The following RCAN1 variants were observed in gnomAD, a reference collection of about 807,000 sequenced individuals.
RCAN1 encodes regulator of calcineurin 1, also known as calcipressin-1.
In RCAN1, 11 loss-of-function variants were observed where a neutral mutation model predicts 22.9. That is an observed-to-expected ratio of 0.48 (90% confidence interval 0.30 to 0.79). RCAN1 has a LOEUF of 0.79. Ranked by LOEUF, RCAN1 falls within the 30% of genes least tolerant of loss-of-function variation. The probability of loss-of-function intolerance (pLI) is 0.06; values close to 1 mark genes in which losing one functional copy is unlikely to be tolerated. For missense variants in RCAN1, 291 were observed against 337.8 expected, an observed-to-expected ratio of 0.86 and a Z score of 1.09; for synonymous variants, 136 against 142.3, an observed-to-expected ratio of 0.96 and a Z score of 0.32.
rs116584005 is a variant in RCAN1 at position 34,535,250 on chromosome 21, T to G, written c.253-11540A>C. Among the ~76,000 whole-genome samples the G allele has an allele frequency of 9.5e-3, 1,448 of 152,290 alleles. 25 individuals are homozygous for G. The highest frequency in any genetic ancestry group is 0.033 in the African/African-American group (1,360 of 41,556). On this transcript the variant is annotated intron_variant, in intron 1 of 3. Coordinates refer to ENST00000313806, the MANE Select transcript of RCAN1 (RefSeq NM_004414.7). ...GTGTAAGAAAGAGAACAGAAGAACA[T>G]TCTTCTTGATATAGTTAAAGGAATT...
intron 1 of RCAN1, among the ~76,000 whole-genome samples, chr21:34,573,236 T>A (rs183164354): frequency 8.7e-4 from 132 of 152,326 alleles, no homozygotes; most frequent in Non-Finnish European, 1.5e-3. Flanking sequence ...ACATCCTTTT[T>A]TTCTCGGTTC....
rs575994829 is a variant in RCAN1 at position 34,554,493 on chromosome 21, T to C, written c.253-30783A>G. Among the ~76,000 whole-genome samples, 81 of 152,248 alleles carry C rather than the reference T, an allele frequency of 5.3e-4. 1 individual carries two copies. The South Asian group carries it at 0.017, about 32-fold the overall frequency. ...AGGAATTGCAGAAGCTGGGCCAGACTGAACACACCTGAAGCCAGGGATGGT... is the reference window on the plus strand; with the variant it reads ...AGGAATTGCAGAAGCTGGGCCAGACCGAACACACCTGAAGCCAGGGATGGT... On this transcript the variant is annotated intron_variant, in intron 1 of 3. Coordinates refer to ENST00000313806, the MANE Select transcript of RCAN1 (RefSeq NM_004414.7).
At chr21:34,525,254 C>A in intron 1 of RCAN1, 6 of 1,550,646 alleles carry the variant, frequency 3.9e-6, no homozygotes, top group African/African-American at 1.4e-5. Flanking sequence ...TCGGTCCCTG[C>A]CAGGCAGGTC....
intron 2 of RCAN1, 78 bp downstream of exon 2, chr21:34,523,459 A>G: frequency 7.1e-7 from 1 of 1,417,976 alleles, no homozygotes; most frequent in Non-Finnish European, 9.7e-7. Flanking sequence ...AGCATATAAC[A>G]TAAGCAACGT....
intron 1 of RCAN1, among the ~76,000 whole-genome samples, chr21:34,549,822 A>C (rs1283528825): frequency 6.6e-6 from 1 of 152,124 alleles, no homozygotes; most frequent in African/African-American, 2.4e-5. Context: ...CCATCCATCC[A>C]TCCACCGAAC....
intron 2 of RCAN1, chr21:34,522,554 C>T (rs1601128806): frequency 6.6e-6 from 1 of 152,112 alleles, no homozygotes; most frequent in African/African-American, 2.4e-5. Flanking sequence ...GCGGGGATCC[C>T]AAATGCTTTA....
At chr21:34,566,082 C>G (rs1986996951) in intron 1 of RCAN1, among the ~76,000 whole-genome samples, 1 of 152,184 alleles carries the variant, frequency 6.6e-6, no homozygotes, top group Non-Finnish European at 1.5e-5. Flanking sequence ...GAAAGGGGCA[C>G]TATTTCAGAG....
rs528556911 is a variant in RCAN1, at chr21:34,614,827, T to C, written c.185A>G (p.Gln62Arg). 6.3e-5 allele frequency: 94 copies of C among 1,490,876 alleles called. No individual in the cohort carries two copies. The Middle Eastern group carries it at 1.1e-3, about 17-fold the overall frequency. 92.4% of individuals were successfully genotyped at this position (1,490,876 alleles called of 1,614,324 possible). Residue 62 changes from glutamine to arginine, a missense_variant, in exon 1 of 4, where the codon CAG (glutamine) becomes CGG (arginine). By Grantham distance (43) the Gln-to-Arg change is conservative (BLOSUM62 1). Coordinates refer to ENST00000313806, the MANE Select transcript of RCAN1 (RefSeq NM_004414.7). The surrounding 1 kb of genome is among the most constrained non-coding windows in gnomAD (Gnocchi z 6.0). ...GGCGATGGTGGCGCTGGGCAGGTCCTGCAGGTCCACCTCCTCCATCTCGCA... is the reference window on the plus strand; with the variant it reads ...GGCGATGGTGGCGCTGGGCAGGTCCCGCAGGTCCACCTCCTCCATCTCGCA... ...IDCEMEEVDL[Q>R]DLPSATIACH...
intron 1 of RCAN1, among the ~76,000 whole-genome samples, chr21:34,576,616 C>T (rs761911774): frequency 2.0e-4 from 30 of 152,164 alleles, no homozygotes; most frequent in Non-Finnish European, 3.8e-4. Flanking sequence ...AAATAAGTCA[C>T]AGGAGGTTGA....
intron 1 of RCAN1, among the ~76,000 whole-genome samples, chr21:34,587,243 CAG>C (rs1421285789): frequency 6.6e-6 from 1 of 151,984 alleles, no homozygotes; most frequent in Non-Finnish European, 1.5e-5. Flanking sequence ...ACAAAAATGA[CAG>C]AAGAGAAAAT....
chr21:34,585,611 C>T (rs181159539), intron 1 of RCAN1, among the ~76,000 whole-genome samples: 7 of 151,794 alleles, frequency 4.6e-5, no homozygotes, highest in African/African-American at 9.7e-5. Context: ...GGCATGGTGG[C>T]GGGCACCTGT....
At chr21:34,521,765 G>A (rs537583558) in intron 2 of RCAN1, 107 bp from the exon 3 acceptor site, 21 of 890,016 alleles carry the variant, frequency 2.4e-5, no homozygotes, top group Admixed American at 1.0e-4. Flanking sequence ...ATGTCCAGGC[G>A]TCAGGACAGG....
chr21:34,535,475 C>A (rs1985627759), intron 1 of RCAN1, among the ~76,000 whole-genome samples: 1 of 150,728 alleles, frequency 6.6e-6, no homozygotes, highest in Non-Finnish European at 1.5e-5. Context: ...GCTGGTTCTG[C>A]AACTACAGAG....
At chr21:34,542,817 G>A (rs185467085) in intron 1 of RCAN1, among the ~76,000 whole-genome samples, 2 of 152,274 alleles carry the variant, frequency 1.3e-5, no homozygotes, top group East Asian at 3.9e-4. Context: ...AGGAGAGATG[G>A]GTGGGTGTGG....
chr21:34,608,019 T>A (rs911130834), intron 1 of RCAN1, among the ~76,000 whole-genome samples: 10 of 152,160 alleles, frequency 6.6e-5, no homozygotes, highest in Non-Finnish European at 1.2e-4. Context: ...CTTATGAGAA[T>A]CTAATGCCTG....
At chr21:34,563,769 AAATATATAT>A (rs1490922966) in intron 1 of RCAN1, among the ~76,000 whole-genome samples, 10 of 84,840 alleles carry the variant, frequency 1.2e-4, no homozygotes, top group African/African-American at 5.2e-4. Context: ...AAAAAAAAAA[AAATATATAT>A]ATATATATAT....
chr21:34,573,134 T>C (rs1050252382), intron 1 of RCAN1, among the ~76,000 whole-genome samples: 1 of 152,238 alleles, frequency 6.6e-6, no homozygotes, highest in Admixed American at 6.5e-5. Flanking sequence ...ATGTTGGTTT[T>C]ACAACAGTGA....
At chr21:34,549,238 AG>A (rs1327391024) in intron 1 of RCAN1, among the ~76,000 whole-genome samples, 2 of 152,230 alleles carry the variant, frequency 1.3e-5, no homozygotes, top group Non-Finnish European at 2.9e-5. Context: ...CGAAGGCACC[AG>A]GTGAAAGAAG....
At chr21:34,521,766 T>C in intron 2 of RCAN1, 108 bp from the exon 3 acceptor site, 4 of 888,636 alleles carry the variant, frequency 4.5e-6, no homozygotes, top group Non-Finnish European at 5.2e-6. Flanking sequence ...TGTCCAGGCG[T>C]CAGGACAGGT....
Sources: gnomAD v4.1 joint callset for allele counts (sites outside exome capture counted in the v4.1 genomes callset) on GRCh38, gnomAD v4.1.1 for gene constraint, Gnocchi (gnomAD v3.1) non-coding constraint, MANE v1.5 for transcripts, NCBI Gene and HGNC (gene_info 2026-07-23, HGNC 2026-07-21) for gene names.